SLC4A4: variants seen among roughly 807,000 people sequenced by gnomAD.
SLC4A4 encodes electrogenic sodium bicarbonate cotransporter 1.
SLC4A4 carries 27 observed loss-of-function variants against 111.5 expected under a neutral mutation model. The observed-to-expected ratio is 0.24, with a 90% CI of 0.18 to 0.33. The LOEUF is 0.33. SLC4A4 is among the 10% of genes least tolerant of loss of function. The pLI is 1.00. For missense variants in SLC4A4, 909 were observed against 1,315.5 expected, an observed-to-expected ratio of 0.69 and a Z score of 4.78; for synonymous variants, 443 against 463.4, an observed-to-expected ratio of 0.96 and a Z score of 0.57.
chr4:71,196,834 C>CAAAA (rs71212000), intron 1 of SLC4A4, among the ~76,000 whole-genome samples: 2,664 of 20,320 alleles, frequency 0.13, 1,152 homozygotes, highest in Non-Finnish European at 0.22. Context: ...ACTCTGTCTC[C>CAAAA]AAAAAAAAAA....
chr4:71,305,709 CAG>C (rs1725626184), intron 3 of SLC4A4, among the ~76,000 whole-genome samples: 1 of 152,192 alleles, frequency 6.6e-6, no homozygotes, highest in Admixed American at 6.5e-5. Flanking sequence ...AAAACATCTA[CAG>C]AGAGACAGCA....
Position 71,505,338 on chromosome 4 carries a change from C to G in SLC4A4, c.2166+7646C>G, listed in dbSNP as rs186243862. On this transcript the variant is annotated intron_variant, in intron 16 of 25. Coordinates refer to ENST00000264485, the MANE Select transcript of SLC4A4 (RefSeq NM_001098484.3). Reference sequence around the variant, plus strand: ...GGATATATACCCAAAGGCTTTTTCTCCACAACTTTGCCAGCATCTGCTATT... The same window carrying G: ...GGATATATACCCAAAGGCTTTTTCTGCACAACTTTGCCAGCATCTGCTATT... Among the ~76,000 whole-genome samples, 773 of 152,120 alleles carry G rather than the reference C, an allele frequency of 5.1e-3. 7 individuals are homozygous for G. The highest frequency in any genetic ancestry group is 6.6e-3 in the Non-Finnish European group (451 of 67,984).
At chr4:71,311,923 G>GAGAGAGAGAGAT (rs1726220673) in intron 3 of SLC4A4, among the ~76,000 whole-genome samples, 1 of 151,228 alleles carries the variant, frequency 6.6e-6, no homozygotes, top group Non-Finnish European at 1.5e-5. Context: ...GAGAGAGAGA[G>GAGAGAGAGAGAT]AGAGAGAGAG....
At chr4:71,170,751 G>T (rs1012196757) in intron 2 of SLC4A4, among the ~76,000 whole-genome samples, 2 of 152,202 alleles carry the variant, frequency 1.3e-5, no homozygotes, top group Non-Finnish European at 2.9e-5. Context: ...CAATACTGGT[G>T]ATGGTGTTGG....
rs536558736 is a variant in SLC4A4, at chr4:71,465,670, C to T, written c.1498-774C>T. Reference sequence around the variant, plus strand: ...GTGACGTGATTAGGAAAGTTAGGATCGTTTTGTAAGTCAGTGATCCTCGTT... The same window carrying T: ...GTGACGTGATTAGGAAAGTTAGGATTGTTTTGTAAGTCAGTGATCCTCGTT... On this transcript the variant is annotated intron_variant, in intron 12 of 25. Coordinates refer to ENST00000264485, the MANE Select transcript of SLC4A4 (RefSeq NM_001098484.3). 3.3e-5 allele frequency among the ~76,000 whole-genome samples: 5 copies of T among 151,820 alleles called. No individual in the cohort carries two copies. In the South Asian group the frequency reaches 1.0e-3, roughly 32 times the overall value.
chr4:71,085,687 G>T lies in SLC4A4; in HGVS notation c.-64-7043G>T, dbSNP rs141852333. Among the ~76,000 whole-genome samples, 98 of 151,916 alleles carry T rather than the reference G, an allele frequency of 6.5e-4. 1 individual carries two copies. In the South Asian group the frequency reaches 0.02, roughly 31 times the overall value. On this transcript the variant is annotated intron_variant, in intron 1 of 26. Coordinates refer to the SLC4A4 transcript ENST00000649996. ...AATCCTTTCCCCATTGCTTGTTTTT[G>T]TCAGGTTTGTCAAAGATCAGATAGT...
intron 18 of SLC4A4, 102 bp from the exon 19 acceptor site, chr4:71,546,248 G>A (rs889141690): frequency 1.1e-5 from 11 of 1,005,644 alleles, no homozygotes; most frequent in South Asian, 1.3e-5. Flanking sequence ...ACCAAGCAAA[G>A]CAAGTCAGTT....
At chr4:71,541,523 G>A (rs145930986) in intron 18 of SLC4A4, among the ~76,000 whole-genome samples, 42 of 152,268 alleles carry the variant, frequency 2.8e-4, no homozygotes, top group Non-Finnish European at 5.0e-4. Flanking sequence ...TTAGGGATTT[G>A]TAGAGTTTCT....
At chr4:71,451,072 A>C (rs1725719542) in intron 10 of SLC4A4, 116 bp from the exon 11 acceptor site, 1 of 737,434 alleles carries the variant, frequency 1.4e-6, no homozygotes, top group African/African-American at 1.7e-5. Context: ...AAGAAATAAC[A>C]ATCTTTCACC....
intron 7 of SLC4A4, among the ~76,000 whole-genome samples, chr4:71,439,341 T>A (rs1724464798): frequency 7.2e-6 from 1 of 138,364 alleles, no homozygotes; most frequent in African/African-American, 2.7e-5. Flanking sequence ...GGCAGAAGAA[T>A]CACTTGAACC....
chr4:71,360,734 T>A (rs1578917425), intron 6 of SLC4A4, among the ~76,000 whole-genome samples: 2 of 152,300 alleles, frequency 1.3e-5, no homozygotes, highest in Admixed American at 6.5e-5. Context: ...TAAAGTATTG[T>A]ATGAGAATCA....
At chr4:71,173,118 G>A (rs1489305374) in intron 2 of SLC4A4, among the ~76,000 whole-genome samples, 5 of 152,206 alleles carry the variant, frequency 3.3e-5, no homozygotes, top group African/African-American at 4.8e-5. Context: ...ACCTGTGACA[G>A]AAGGTAGAAG....
intron 6 of SLC4A4, among the ~76,000 whole-genome samples, chr4:71,395,305 T>A (rs566143058): frequency 6.6e-5 from 10 of 152,290 alleles, no homozygotes; most frequent in African/African-American, 1.9e-4. Context: ...GCTTAGTTAC[T>A]AGAAGTGTTG....
intron 3 of SLC4A4, among the ~76,000 whole-genome samples, chr4:71,338,707 T>G (rs964188592): frequency 1.3e-5 from 2 of 151,876 alleles, no homozygotes; most frequent in Non-Finnish European, 2.9e-5. Context: ...GGAAAATGTT[T>G]TTTTTTTTTT....
At chr4:71,077,470 G>A (rs575921878) in intron 1 of SLC4A4, among the ~76,000 whole-genome samples, 1 of 152,194 alleles carries the variant, frequency 6.6e-6, no homozygotes, top group South Asian at 2.1e-4. Context: ...CCCTGAGTAT[G>A]TACTTTTAAT....
At chr4:71,459,097 A>G (rs1193149978) in intron 12 of SLC4A4, among the ~76,000 whole-genome samples, 1 of 152,030 alleles carries the variant, frequency 6.6e-6, no homozygotes, top group Non-Finnish European at 1.5e-5. Flanking sequence ...GCTTTGCTTC[A>G]TGGGCAAGTT....
intron 1 of SLC4A4, among the ~76,000 whole-genome samples, chr4:71,230,625 T>C (rs1719354482): frequency 6.6e-6 from 1 of 152,214 alleles, no homozygotes; most frequent in African/African-American, 2.4e-5. Context: ...TATTAAACTC[T>C]GGTATGGGCA....
chr4:71,439,687 C>A (rs116493200), intron 7 of SLC4A4, among the ~76,000 whole-genome samples: 270 of 151,666 alleles, frequency 1.8e-3, no homozygotes, highest in Middle Eastern at 6.8e-3. Context: ...TTAGGGTGAC[C>A]CAGGACTTAA....
chr4:71,305,407 C>T (rs945535306), intron 3 of SLC4A4, among the ~76,000 whole-genome samples: 2 of 152,120 alleles, frequency 1.3e-5, no homozygotes, highest in African/African-American at 4.8e-5. Flanking sequence ...TGGCCTGACA[C>T]AGTGAGTGAG....
Sources: gnomAD v4.1 joint callset for allele counts (sites outside exome capture counted in the v4.1 genomes callset) on GRCh38, gnomAD v4.1.1 for gene constraint, MANE v1.5 for transcripts, NCBI Gene and HGNC (gene_info 2026-07-23, HGNC 2026-07-21) for gene names.